FRMD6: variants seen among roughly 807,000 people sequenced by gnomAD.
The protein encoded by FRMD6 is FERM domain containing 6.
A neutral mutation model predicts 73.2 loss-of-function variants in FRMD6; 37 were observed. That is an observed-to-expected ratio of 0.51 (90% CI 0.39 to 0.66). FRMD6 has a LOEUF of 0.66. Among genes scored for constraint, FRMD6 ranks in the 30% least tolerant of loss-of-function variants. The pLI, the probability that FRMD6 is intolerant of heterozygous loss-of-function variation, is 0.00. For missense variants in FRMD6, 714 were observed against 780.5 expected, an observed-to-expected ratio of 0.91 and a Z score of 1.02; for synonymous variants, 273 against 282.2, an observed-to-expected ratio of 0.97 and a Z score of 0.33.
the FRMD6 span, among the ~76,000 whole-genome samples, chr14:51,402,635 T>C: frequency 9.0e-6 from 1 of 110,712 alleles, no homozygotes; most frequent in Non-Finnish European, 1.9e-5. Flanking sequence ...TATCTTTTTT[T>C]CTTTTCTTTT....
intron 6 of FRMD6, among the ~76,000 whole-genome samples, chr14:51,706,092 C>T (rs986431801): frequency 1.3e-5 from 2 of 152,170 alleles, no homozygotes; most frequent in African/African-American, 4.8e-5. Flanking sequence ...ATTCCTACCT[C>T]TGAGTACGTG....
chr14:51,557,180 C>G (rs1043709830), intron 1 of FRMD6, among the ~76,000 whole-genome samples: 1 of 151,800 alleles, frequency 6.6e-6, no homozygotes, highest in Admixed American at 6.6e-5. Context: ...GCAAATGAAG[C>G]ATTATCCACA....
At chr14:51,570,618 C>T (rs951559620) in intron 2 of FRMD6, among the ~76,000 whole-genome samples, 2 of 152,172 alleles carry the variant, frequency 1.3e-5, no homozygotes, top group Non-Finnish European at 2.9e-5. Context: ...GCATCAACAC[C>T]ATGAAGGAAG....
intron 5 of FRMD6, among the ~76,000 whole-genome samples, chr14:51,704,046 G>A (rs747830693): frequency 1.5e-4 from 23 of 152,040 alleles, no homozygotes; most frequent in Non-Finnish European, 1.2e-4. Flanking sequence ...TGTAATGAGT[G>A]CTCTGTTAGT....
At chr14:51,583,334 G>A (rs974683714) in intron 2 of FRMD6, among the ~76,000 whole-genome samples, 2 of 152,316 alleles carry the variant, frequency 1.3e-5, no homozygotes, top group African/African-American at 4.8e-5. Context: ...TTTAGGAATA[G>A]CTGCTGTAAT....
intron 1 of FRMD6, among the ~76,000 whole-genome samples, chr14:51,516,548 T>C (rs1248847681): frequency 2.6e-5 from 4 of 152,040 alleles, no homozygotes; most frequent in Non-Finnish European, 5.9e-5. Context: ...CAGAGTGAAA[T>C]AGATGAAGTG....
Position 51,720,217 on chromosome 14 carries a change from G to T in FRMD6, c.1187G>T (p.Gly396Val). 2 of 1,614,018 alleles carry T rather than the reference G, an allele frequency of 1.2e-6. No homozygotes were observed. The highest frequency in any genetic ancestry group is 1.7e-6 in the Non-Finnish European group (2 of 1,179,972). Residue 396 changes from glycine (G) to valine (V), a missense_variant, in exon 11 of 14, where the codon GGC (glycine) becomes GTC (valine). Coordinates refer to ENST00000344768, the MANE Select transcript of FRMD6 (RefSeq NM_001267046.2). ...TASHSSSHTS[G>V]IEADTKPRDT... ...AGCCACAGCAGTTCCCACACCTCGG[G>T]CATTGAGGCAGACACCAAGCCCCGG...
At chr14:51,627,480 G>T (rs1200947326) in intron 2 of FRMD6, among the ~76,000 whole-genome samples, 1 of 152,156 alleles carries the variant, frequency 6.6e-6, no homozygotes, top group Non-Finnish European at 1.5e-5. Context: ...GTGACTGAGG[G>T]ACCAAGAGAT....
At chr14:51,591,050 G>A (rs1889355197) in intron 2 of FRMD6, among the ~76,000 whole-genome samples, 1 of 152,186 alleles carries the variant, frequency 6.6e-6, no homozygotes, top group African/African-American at 2.4e-5. Context: ...AATGGCAGCT[G>A]CTGTGGGGTT....
At chr14:51,599,365 A>G (rs10132386) in intron 2 of FRMD6, among the ~76,000 whole-genome samples, 96,010 of 151,896 alleles carry the variant, frequency 0.63, 30,745 homozygotes, top group African/African-American at 0.72. Flanking sequence ...AGATTTAAAC[A>G]TAAGGCCACA....
At chr14:51,564,278 C>G (rs189013788) in intron 1 of FRMD6, among the ~76,000 whole-genome samples, 1 of 152,288 alleles carries the variant, frequency 6.6e-6, no homozygotes, top group Non-Finnish European at 1.5e-5. Flanking sequence ...AAAATGCATT[C>G]GTGTTGCTGT....
intron 1 of FRMD6, among the ~76,000 whole-genome samples, chr14:51,499,340 C>A (rs1883475970): frequency 6.6e-6 from 1 of 152,066 alleles, no homozygotes; most frequent in Non-Finnish European, 1.5e-5. Flanking sequence ...TATGAATGGC[C>A]CAATTTTCTT....
At chr14:51,533,599 A>G (rs904317349) in intron 1 of FRMD6, among the ~76,000 whole-genome samples, 10 of 152,344 alleles carry the variant, frequency 6.6e-5, no homozygotes, top group African/African-American at 2.4e-4. Context: ...AAATAATCAC[A>G]TTCAGACATT....
chr14:51,612,717 C>A (rs1890563516), intron 2 of FRMD6, among the ~76,000 whole-genome samples: 2 of 152,184 alleles, frequency 1.3e-5, no homozygotes, highest in African/African-American at 4.8e-5. Context: ...CAAACTCTTA[C>A]TCATAAAGTT....
intron 2 of FRMD6, among the ~76,000 whole-genome samples, chr14:51,582,592 A>G (rs1262992465): frequency 6.6e-6 from 1 of 152,234 alleles, no homozygotes; most frequent in East Asian, 1.9e-4. Context: ...CATGAGATCA[A>G]CTTGCAAACA....
chr14:51,612,658 T>C (rs1029967973), intron 2 of FRMD6, among the ~76,000 whole-genome samples: 3 of 152,204 alleles, frequency 2.0e-5, no homozygotes, highest in African/African-American at 7.2e-5. Flanking sequence ...GTCTTGATTT[T>C]GCTCATCATG....
intron 2 of FRMD6, among the ~76,000 whole-genome samples, chr14:51,577,930 G>A (rs893618208): frequency 6.6e-6 from 1 of 151,972 alleles, no homozygotes; most frequent in East Asian, 1.9e-4. Context: ...GCCTCAATTT[G>A]TTCATCTCTA....
chr14:51,684,474 A>G (rs1895017764), intron 1 of FRMD6, among the ~76,000 whole-genome samples: 1 of 152,264 alleles, frequency 6.6e-6, no homozygotes, highest in South Asian at 2.1e-4. Context: ...TTAGCTGGAA[A>G]ATATGTATTT....
At chr14:51,721,467 G>A (rs1196753793) in intron 11 of FRMD6, among the ~76,000 whole-genome samples, 3 of 152,074 alleles carry the variant, frequency 2.0e-5, no homozygotes, top group Non-Finnish European at 4.4e-5. Context: ...AAAATTGGAT[G>A]GGCGTAGTGG....
Sources: allele counts gnomAD v4.1 joint callset (sites outside exome capture counted in the v4.1 genomes callset), GRCh38; gene constraint gnomAD v4.1.1; transcripts MANE v1.5; gene names NCBI Gene and HGNC (gene_info 2026-07-23, HGNC 2026-07-21).